Variants in RIPK2 observed in about 807,000 individuals in gnomAD.
The protein encoded by RIPK2 is receptor interacting serine/threonine kinase 2.
RIPK2 carries 38 observed loss-of-function variants against 60.9 expected under a neutral mutation model. The observed-to-expected ratio is 0.62, with a 90% CI of 0.48 to 0.82. The LOEUF is 0.82. Ranked by LOEUF, RIPK2 falls within the 40% of genes least tolerant of loss-of-function variation. The pLI, the probability that RIPK2 is intolerant of heterozygous loss-of-function variation, is 0.00. For missense variants in RIPK2, 518 were observed against 647.0 expected, an observed-to-expected ratio of 0.80 and a Z score of 2.16; for synonymous variants, 225 against 223.4, an observed-to-expected ratio of 1.01 and a Z score of -0.06.
rs1475145397 is a variant in RIPK2 at position 89,791,058 on chromosome 8, A to T, written c.*642A>T. ...CAAGCTAAATAAAGTCAACAGCCTG[A>T]TGTGTATCTTTCTGTCCCTTTCTTC... is the stretch of plus-strand genomic sequence containing the variant. On this transcript the variant is annotated 3_prime_UTR_variant, in exon 11 of 11. Transcript: ENST00000220751. 6.6e-6 allele frequency: 1 copy of T among 152,192 alleles called. No individual in the cohort carries two copies. Among genetic ancestry groups the T allele is most frequent in the Non-Finnish European group, 1.5e-5 (1 of 68,028 alleles). 9.4% of individuals were successfully genotyped at this position (152,192 alleles called of 1,614,324 possible). A position where few individuals can be genotyped will look rare whatever the true frequency, so the allele number is the denominator to read the frequency against.
At chr8:89,777,293 G>C (rs1809414885) in intron 6 of RIPK2, among the ~76,000 whole-genome samples, 1 of 152,140 alleles carries the variant, frequency 6.6e-6, no homozygotes, top group South Asian at 2.1e-4. Flanking sequence ...AGAGGATCTA[G>C]AATTTTCACA....
chr8:89,786,551 A>C lies in RIPK2; in HGVS notation c.1030-42A>C, dbSNP rs779979791. On this transcript the variant is annotated intron_variant, in intron 8 of 10. Coordinates refer to ENST00000220751, the MANE Select transcript of RIPK2 (RefSeq NM_003821.6). ...AACTATTTAGAAATTAAAGCTCGAT[A>C]ATTTTTATTAACCTAAACCCTTTAT... 2.8e-6 allele frequency: 3 copies of C among 1,073,614 alleles called. No homozygotes were observed. The East Asian group carries it at 7.2e-5, about 26-fold the overall frequency. 66.5% of individuals were successfully genotyped at this position (1,073,614 alleles called of 1,614,324 possible).
chr8:89,786,590 T>G lies in RIPK2; in HGVS notation c.1030-3T>G, dbSNP rs199844994. Reference sequence around the variant, plus strand: ...TAAACCCTTTATTTTTTATTTACTTTAGGAATCATGTGGATCCTCTCAGCT... The same window carrying G: ...TAAACCCTTTATTTTTTATTTACTTGAGGAATCATGTGGATCCTCTCAGCT... On this transcript the variant is annotated splice_polypyrimidine_tract_variant and splice_region_variant and intron_variant, in intron 8 of 10. Coordinates refer to ENST00000220751, the MANE Select transcript of RIPK2 (RefSeq NM_003821.6). 1 of 1,509,798 alleles carries G rather than the reference T, an allele frequency of 6.6e-7. No individual in the cohort carries two copies. The highest frequency in any genetic ancestry group is 1.4e-5 in the African/African-American group (1 of 71,562). The allele number at this position is 1,509,798 out of a possible 1,614,324, so 93.5% of individuals were successfully genotyped here. A position where few individuals can be genotyped will look rare whatever the true frequency, so the allele number is the denominator to read the frequency against.
chr8:89,769,401 C>T (rs1026441778), intron 3 of RIPK2, among the ~76,000 whole-genome samples: 8 of 151,762 alleles, frequency 5.3e-5, no homozygotes, highest in Admixed American at 1.3e-4. Context: ...GACTTGGCAG[C>T]TCTGTGAGAT....
rs1436402467 is a variant in RIPK2, at chr8:89,790,874, C to A, written c.*458C>A. 2 of 152,232 alleles carry A rather than the reference C, an allele frequency of 1.3e-5. No homozygotes were observed. The allele number at this position is 152,232 out of a possible 1,614,324, so 9.4% of individuals were successfully genotyped here. A position where few individuals can be genotyped will look rare whatever the true frequency, so the allele number is the denominator to read the frequency against. On this transcript the variant is annotated 3_prime_UTR_variant, in exon 11 of 11. Coordinates refer to ENST00000220751, the MANE Select transcript of RIPK2 (RefSeq NM_003821.6). ...TACAAAGGGTTATTAATTTAAAACTCCATTATTAGGATTACATTTTAAAGT... is the reference window on the plus strand; with the variant it reads ...TACAAAGGGTTATTAATTTAAAACTACATTATTAGGATTACATTTTAAAGT...
chr8:89,790,782 G>T lies in RIPK2; in HGVS notation c.*366G>T, dbSNP rs1809664797. The stretch of plus-strand genomic sequence containing the variant: ...CTAAGATGCAATTTGATTTTATGAA[G>T]TATATACCCTTTACCCACCAGAGAC... On this transcript the variant is annotated 3_prime_UTR_variant, in exon 11 of 11. Coordinates refer to ENST00000220751, the MANE Select transcript of RIPK2 (RefSeq NM_003821.6). 5.7e-6 allele frequency: 1 copy of T among 176,898 alleles called. No individual in the cohort carries two copies. The highest frequency in any genetic ancestry group is 5.6e-5 in the Admixed American group (1 of 17,790). The allele number at this position is 176,898 out of a possible 1,614,324, so 11.0% of individuals were successfully genotyped here. A position where few individuals can be genotyped will look rare whatever the true frequency, so the allele number is the denominator to read the frequency against.
intron 6 of RIPK2, among the ~76,000 whole-genome samples, chr8:89,774,630 G>A (rs1029989893): frequency 1.3e-5 from 2 of 152,134 alleles, no homozygotes; most frequent in African/African-American, 2.4e-5. Context: ...AGTAGAAACG[G>A]TCATAATTAC....
At chr8:89,776,574 C>G (rs1258997769) in intron 6 of RIPK2, among the ~76,000 whole-genome samples, 1 of 152,188 alleles carries the variant, frequency 6.6e-6, no homozygotes, top group Non-Finnish European at 1.5e-5. Context: ...TTGGGGATGA[C>G]AGTGAACAGG....
chr8:89,786,610 T>C lies in RIPK2; in HGVS notation c.1047T>C (p.Ser349=). ...HGPQEESCGS[S]QLHENSGSPE... ...TACTTTAGGAATCATGTGGATCCTC[T>C]CAGCTCCATGAAAATAGTGGTTCTC... Residue 349 remains serine, a synonymous_variant, in exon 9 of 11, where the codon TCT becomes TCC. Coordinates refer to ENST00000220751, the MANE Select transcript of RIPK2 (RefSeq NM_003821.6). The C allele has an allele frequency of 6.3e-7, 1 of 1,591,842 alleles. No homozygotes were observed. Among genetic ancestry groups the C allele is most frequent in the Non-Finnish European group, 8.6e-7 (1 of 1,162,034 alleles).
intron 1 of RIPK2, among the ~76,000 whole-genome samples, chr8:89,758,932 C>G (rs1258473719): frequency 2.6e-5 from 4 of 151,960 alleles, no homozygotes; most frequent in Non-Finnish European, 5.9e-5. Context: ...TGGTGGTGTT[C>G]ACATTATATG....
intron 6 of RIPK2, among the ~76,000 whole-genome samples, chr8:89,777,146 C>T (rs56716125): frequency 0.057 from 8,746 of 152,250 alleles, 768 homozygotes; most frequent in African/African-American, 0.19. Flanking sequence ...CCAGAGATTT[C>T]AGAGGGTTCC....
intron 6 of RIPK2, among the ~76,000 whole-genome samples, chr8:89,779,776 T>C (rs560100120): frequency 1.3e-5 from 2 of 152,348 alleles, no homozygotes; most frequent in African/African-American, 4.8e-5. Context: ...TATCTAAATT[T>C]ATCTGTTTCC....
chr8:89,763,130 C>T, intron 2 of RIPK2, 148 bp downstream of exon 2: 1 of 491,534 alleles, frequency 2.0e-6, no homozygotes, highest in Non-Finnish European at 3.2e-6. Context: ...TAAAATTTTA[C>T]CTTTTGTGAC....
At chr8:89,777,909 G>A (rs1809426671) in intron 6 of RIPK2, among the ~76,000 whole-genome samples, 1 of 152,028 alleles carries the variant, frequency 6.6e-6, no homozygotes, top group African/African-American at 2.4e-5. Flanking sequence ...TCAATAATAA[G>A]GAAAGTTTAA....
rs750809016 is a variant in RIPK2 at position 89,780,126 on chromosome 8, T to G, written c.905T>G (p.Phe302Cys). ...PVLRTFEEITFLEAVIQLKKT... is the reference protein window; with the variant it reads ...PVLRTFEEITCLEAVIQLKKT... ...TTGAGAACATTTGAAGAGATAACTT[T>G]TCTTGAAGCTGTTATTCAGCTAAAG... is the stretch of plus-strand genomic sequence containing the variant. Residue 302 changes from phenylalanine (F) to cysteine (C), a missense_variant, in exon 7 of 11, where the codon TTT (phenylalanine) becomes TGT (cysteine). Around this residue, in one of 3 missense-constraint regions of RIPK2, gnomAD observed 448 missense variants for 534.7 expected, o/e 0.84. Transcript: ENST00000220751. 1 of 1,575,284 alleles carries G rather than the reference T, an allele frequency of 6.3e-7. No homozygotes were observed. Among genetic ancestry groups the G allele is most frequent in the East Asian group, 2.3e-5 (1 of 44,428 alleles).
At chr8:89,774,979 C>T (rs1809373911) in intron 6 of RIPK2, among the ~76,000 whole-genome samples, 1 of 151,972 alleles carries the variant, frequency 6.6e-6, no homozygotes, top group African/African-American at 2.4e-5. Flanking sequence ...ACCGGTAATC[C>T]AAACAAATGG....
At chr8:89,763,752 G>A (rs2130545669) in intron 2 of RIPK2, among the ~76,000 whole-genome samples, 1 of 152,262 alleles carries the variant, frequency 6.6e-6, no homozygotes, top group East Asian at 1.9e-4. Context: ...GTCAGTCATA[G>A]AGTAACTTCC....
intron 2 of RIPK2, among the ~76,000 whole-genome samples, chr8:89,764,584 A>C (rs39502): frequency 0.34 from 52,350 of 152,046 alleles, 10,129 homozygotes; most frequent in Non-Finnish European, 0.44. Context: ...CTGGGAAGCC[A>C]CATTAACTTT....
At chr8:89,768,151 A>G (rs1809258479) in intron 3 of RIPK2, among the ~76,000 whole-genome samples, 1 of 151,152 alleles carries the variant, frequency 6.6e-6, no homozygotes, top group South Asian at 2.1e-4. Flanking sequence ...TCAACAAAAA[A>G]CCCTTGGAGG....
Sources: gnomAD v4.1 joint callset for allele counts (sites outside exome capture counted in the v4.1 genomes callset) on GRCh38, gnomAD v4.1.1 for gene constraint, gnomAD v4.1.1 regional missense constraint, MANE v1.5 for transcripts, NCBI Gene and HGNC (gene_info 2026-07-23, HGNC 2026-07-21) for gene names.